The following CAST variants were observed in gnomAD, a reference collection of about 807,000 sequenced individuals.
CAST encodes calpastatin, also known as MIR583 host.
CAST carries 76 observed loss-of-function variants against 119.6 expected under a neutral mutation model. The ratio of observed to expected loss-of-function variants is 0.64; its 90% CI spans 0.53 to 0.77. The LOEUF (loss-of-function observed/expected upper bound fraction) is 0.77, where lower values mean the gene tolerates loss of function less well. Among genes scored for constraint, CAST ranks in the 30% least tolerant of loss-of-function variants. The probability of loss-of-function intolerance (pLI) is 0.00; values close to 1 mark genes in which losing one functional copy is unlikely to be tolerated. For missense variants in CAST, 953 were observed against 946.5 expected (o/e 1.01, Z -0.09); for synonymous variants, 319 against 331.6 (o/e 0.96, Z 0.41).
chr5:96,558,360 C>A (rs1746285873), intron 1 of CAST, among the ~76,000 whole-genome samples: 1 of 149,064 alleles, frequency 6.7e-6, no homozygotes, highest in South Asian at 2.1e-4. Flanking sequence ...AAGATCAGAG[C>A]AGAACTGAAG....
the CAST span, among the ~76,000 whole-genome samples, chr5:96,193,521 T>A: frequency 6.6e-6 from 1 of 152,218 alleles, no homozygotes; most frequent in African/African-American, 2.4e-5. Context: ...ATATGACCCA[T>A]TACAGAAGAT....
chr5:96,767,812 A>G, intron 28 of CAST, 95 bp from the exon 29 acceptor site: 2 of 738,038 alleles, frequency 2.7e-6, no homozygotes, highest in Non-Finnish European at 4.8e-6. Context: ...TTTCTTATAG[A>G]AACATCTTTT....
At chr5:96,706,277 C>CA (rs1445289695) in intron 3 of CAST, among the ~76,000 whole-genome samples, 1 of 152,022 alleles carries the variant, frequency 6.6e-6, no homozygotes, top group Non-Finnish European at 1.5e-5. Context: ...AGTGGATAAT[C>CA]AAAAAATATA....
chr5:96,382,427 C>A, the CAST span, among the ~76,000 whole-genome samples: 3 of 152,186 alleles, frequency 2.0e-5, no homozygotes, highest in African/African-American at 7.2e-5. Context: ...ATCTTGACTA[C>A]CACCCCCAGT....
the CAST span, among the ~76,000 whole-genome samples, chr5:96,441,033 G>T: frequency 2.0e-5 from 3 of 152,278 alleles, no homozygotes; most frequent in Admixed American, 6.5e-5. Context: ...ACATGTCTTT[G>T]CTTTGGTTTC....
the CAST span, among the ~76,000 whole-genome samples, chr5:96,345,078 T>C: frequency 1.3e-5 from 2 of 152,166 alleles, no homozygotes; most frequent in Non-Finnish European, 2.9e-5. Context: ...CGCTTTCTTT[T>C]CCAGTTTAGA....
the CAST span, among the ~76,000 whole-genome samples, chr5:96,039,280 G>A: frequency 1.3e-5 from 2 of 152,096 alleles, no homozygotes; most frequent in Non-Finnish European, 2.9e-5. Context: ...TTAGCCCTTT[G>A]TCAGATGGAT....
the CAST span, among the ~76,000 whole-genome samples, chr5:96,357,590 A>G: frequency 6.6e-6 from 1 of 152,150 alleles, no homozygotes; most frequent in African/African-American, 2.4e-5. Flanking sequence ...TGAGATAATC[A>G]TGTGGTTTTT....
the CAST span, among the ~76,000 whole-genome samples, chr5:96,046,190 C>T: frequency 2.6e-5 from 4 of 152,004 alleles, no homozygotes; most frequent in African/African-American, 9.7e-5. Context: ...AGTGCCAGAT[C>T]ATGGACAGCG....
At chr5:96,616,791 CACACATAT>C (rs1267484174) in intron 1 of CAST, among the ~76,000 whole-genome samples, 4 of 143,028 alleles carry the variant, frequency 2.8e-5, no homozygotes, top group Admixed American at 6.8e-5. Flanking sequence ...CACACACACA[CACACATAT>C]ACATATACAT....
At chr5:96,523,939 T>C (rs1431695564), upstream of CAST, among the ~76,000 whole-genome samples, 1 of 152,206 alleles carries the variant, frequency 6.6e-6, no homozygotes, top group East Asian at 1.9e-4. Flanking sequence ...AAATGTAGTG[T>C]CTATTACCAG....
At chr5:96,268,563 T>C in the CAST span, among the ~76,000 whole-genome samples, 1 of 151,966 alleles carries the variant, frequency 6.6e-6, no homozygotes, top group Admixed American at 6.6e-5. Flanking sequence ...ACCACTGCAC[T>C]TCAGCCTGGG....
the CAST span, among the ~76,000 whole-genome samples, chr5:96,105,389 T>G: frequency 6.6e-6 from 1 of 152,232 alleles, no homozygotes; most frequent in African/African-American, 2.4e-5. Context: ...AGATAGCTCT[T>G]ATTATTTTGA....
chr5:96,544,666 T>A (rs1440377750), intron 1 of CAST, among the ~76,000 whole-genome samples: 1 of 152,006 alleles, frequency 6.6e-6, no homozygotes, highest in Non-Finnish European at 1.5e-5. Context: ...TAATATAAAA[T>A]TCTAATCAAA....
the CAST span, among the ~76,000 whole-genome samples, chr5:96,366,780 C>T: frequency 6.6e-6 from 1 of 152,218 alleles, no homozygotes; most frequent in South Asian, 2.1e-4. Flanking sequence ...CAAACTTCCT[C>T]CTTTAGCTCA....
At chr5:96,534,601 A>T (rs928879067) in intron 1 of CAST, among the ~76,000 whole-genome samples, 2 of 150,690 alleles carry the variant, frequency 1.3e-5, no homozygotes, top group African/African-American at 2.4e-5. Flanking sequence ...CCCAGGAGGC[A>T]GAGGTTGTAG....
chr5:96,591,659 T>C (rs1242025667), intron 1 of CAST, among the ~76,000 whole-genome samples: 8 of 152,238 alleles, frequency 5.3e-5, no homozygotes. Flanking sequence ...GTTGCAAATA[T>C]GCTCTGTGAC....
chr5:96,549,417 A>T (rs1398077079), intron 1 of CAST, among the ~76,000 whole-genome samples: 1 of 152,232 alleles, frequency 6.6e-6, no homozygotes, highest in Non-Finnish European at 1.5e-5. Flanking sequence ...ATGTTTAAAA[A>T]ATTAAACTGA....
chr5:96,742,558 A>T (rs1762912949), intron 15 of CAST, 97 bp from the exon 16 acceptor site: 3 of 797,406 alleles, frequency 3.8e-6, no homozygotes, highest in Non-Finnish European at 6.3e-6. Context: ...ATCCATATTC[A>T]GTTTATAATC....
Sources: gnomAD v4.1 joint callset for allele counts (sites outside exome capture counted in the v4.1 genomes callset) on GRCh38, gnomAD v4.1.1 for gene constraint, MANE v1.5 for transcripts, NCBI Gene and HGNC (gene_info 2026-07-23, HGNC 2026-07-21) for gene names.